Variants in MGLL observed in about 807,000 individuals in gnomAD.
MGLL encodes the protein monoglyceride lipase.
Under a neutral mutation model 29.1 loss-of-function variants are expected in MGLL, and 7 were observed. The ratio of observed to expected loss-of-function variants is 0.24; its 90% confidence interval spans 0.14 to 0.45. The LOEUF (loss-of-function observed/expected upper bound fraction) is 0.45. Among genes scored for constraint, MGLL ranks in the 20% least tolerant of loss-of-function variants. The pLI is 0.99. For synonymous variants in MGLL, 148 were observed against 168.3 expected, an observed-to-expected ratio of 0.88 and a Z score of 0.93; for missense variants, 356 against 413.6, an observed-to-expected ratio of 0.86 and a Z score of 1.21.
chr3:127,752,457 T>G (rs1455557507), intron 3 of MGLL, among the ~76,000 whole-genome samples: 1 of 152,174 alleles, frequency 6.6e-6, no homozygotes, highest in African/African-American at 2.4e-5. Context: ...TTTTTTTCCC[T>G]TAACAACAGG....
chr3:127,748,153 A>G (rs1175466607), intron 3 of MGLL, among the ~76,000 whole-genome samples: 1 of 152,194 alleles, frequency 6.6e-6, no homozygotes, highest in East Asian at 1.9e-4. Flanking sequence ...ACTGGATCTG[A>G]CTAACACGGG....
chr3:127,768,926 C>T (rs1400347608), intron 3 of MGLL, among the ~76,000 whole-genome samples: 1 of 152,242 alleles, frequency 6.6e-6, no homozygotes, highest in Non-Finnish European at 1.5e-5. Flanking sequence ...GGTGCTGCTG[C>T]TGCTCCTGCT....
chr3:127,759,731 C>T (rs2076729911), intron 3 of MGLL, among the ~76,000 whole-genome samples: 1 of 152,224 alleles, frequency 6.6e-6, no homozygotes. Context: ...TGCAGAGCTC[C>T]TACCTGCTCA....
intron 3 of MGLL, among the ~76,000 whole-genome samples, chr3:127,723,163 C>T (rs1470973011): frequency 1.3e-5 from 2 of 152,218 alleles, no homozygotes; most frequent in African/African-American, 2.4e-5. Flanking sequence ...TTTAATCTGT[C>T]ACATATCTGT....
intron 2 of MGLL, among the ~76,000 whole-genome samples, chr3:127,787,185 C>T (rs1236246612): frequency 1.3e-5 from 2 of 152,236 alleles, no homozygotes; most frequent in African/African-American, 4.8e-5. Context: ...TGCCAGCCCC[C>T]TGGGCAAGAC....
chr3:127,778,806 C>T (rs1211084515), intron 3 of MGLL, among the ~76,000 whole-genome samples: 3 of 147,606 alleles, frequency 2.0e-5, no homozygotes, highest in Non-Finnish European at 3.0e-5. Flanking sequence ...AGGCTGGGTA[C>T]AATGGTGTGA....
At chr3:127,721,903 G>C (rs1467996532) in intron 4 of MGLL, among the ~76,000 whole-genome samples, 1 of 152,158 alleles carries the variant, frequency 6.6e-6, no homozygotes, top group Non-Finnish European at 1.5e-5. Flanking sequence ...CCAGTTTAAG[G>C]ACCCCGATTT....
chr3:127,811,973 G>A (rs1251991919), intron 2 of MGLL, among the ~76,000 whole-genome samples: 3 of 152,240 alleles, frequency 2.0e-5, no homozygotes, highest in Non-Finnish European at 4.4e-5. Flanking sequence ...CTGAGTAACA[G>A]CAATAGATTC....
chr3:127,726,208 CAG>C (rs1264099018), intron 3 of MGLL, among the ~76,000 whole-genome samples: 2 of 91,754 alleles, frequency 2.2e-5, no homozygotes, highest in Non-Finnish European at 4.5e-5. Context: ...GAAAGAAAGA[CAG>C]AAGGAAGGAA....
At chr3:127,707,927 T>C (rs1450997341) in intron 6 of MGLL, among the ~76,000 whole-genome samples, 1 of 152,360 alleles carries the variant, frequency 6.6e-6, no homozygotes, top group Admixed American at 6.5e-5. Context: ...TCTGACATTC[T>C]GGCAACAGAG....
intron 3 of MGLL, among the ~76,000 whole-genome samples, chr3:127,777,680 A>C (rs1440393536): frequency 8.0e-6 from 1 of 125,682 alleles, no homozygotes; most frequent in Admixed American, 8.7e-5. Flanking sequence ...TGATGGTGCC[A>C]TGGAGTCCTT....
chr3:127,767,586 T>A (rs901121674), intron 3 of MGLL, among the ~76,000 whole-genome samples: 23 of 152,252 alleles, frequency 1.5e-4, no homozygotes, highest in Non-Finnish European at 2.9e-5. Context: ...AGTGAATGAA[T>A]GGATTATTTA....
intron 2 of MGLL, among the ~76,000 whole-genome samples, chr3:127,809,203 A>G (rs929451870): frequency 5.9e-5 from 9 of 152,140 alleles, no homozygotes; most frequent in Non-Finnish European, 1.3e-4. Flanking sequence ...GCTCTCTCTT[A>G]CCTTTTATCA....
At chr3:127,775,534 C>T (rs1289990737) in intron 3 of MGLL, among the ~76,000 whole-genome samples, 1 of 152,086 alleles carries the variant, frequency 6.6e-6, no homozygotes, top group Non-Finnish European at 1.5e-5. Flanking sequence ...GCGTAACTGC[C>T]GCCCACAGAC....
At chr3:127,777,395 T>C (rs766571974) in intron 3 of MGLL, among the ~76,000 whole-genome samples, 5 of 152,230 alleles carry the variant, frequency 3.3e-5, no homozygotes, top group Non-Finnish European at 7.3e-5. Flanking sequence ...AACAGAAGTT[T>C]CTGTTGTTTG....
chr3:127,796,899 T>C (rs544723322), intron 2 of MGLL, among the ~76,000 whole-genome samples: 1 of 152,290 alleles, frequency 6.6e-6, no homozygotes, highest in African/African-American at 2.4e-5. Context: ...CCTGGTGCAT[T>C]TACCACCTAA....
chr3:127,819,074 C>T (rs572006904), intron 2 of MGLL, among the ~76,000 whole-genome samples: 1 of 152,294 alleles, frequency 6.6e-6, no homozygotes, highest in Admixed American at 6.5e-5. Context: ...AAAGGCTAAC[C>T]CAAGACATGC....
intron 3 of MGLL, among the ~76,000 whole-genome samples, chr3:127,732,396 A>G (rs2107642641): frequency 6.6e-6 from 1 of 152,346 alleles, no homozygotes; most frequent in African/African-American, 2.4e-5. Flanking sequence ...GGTGAGCCAC[A>G]GGGAGGGACT....
At chr3:127,781,519 A>C (rs151322661) in intron 3 of MGLL, among the ~76,000 whole-genome samples, 7 of 152,338 alleles carry the variant, frequency 4.6e-5, no homozygotes, top group Non-Finnish European at 7.3e-5. Context: ...GCAGGAAAGA[A>C]TTCCTTAGCC....
Sources: allele counts gnomAD v4.1 joint callset (sites outside exome capture counted in the v4.1 genomes callset), GRCh38; gene constraint gnomAD v4.1.1; transcripts MANE v1.5; gene names NCBI Gene and HGNC (gene_info 2026-07-23, HGNC 2026-07-21).